LRMDA: variants seen among roughly 807,000 people sequenced by gnomAD.
LRMDA encodes the protein leucine rich melanocyte differentiation associated.
LRMDA carries 18 observed loss-of-function variants against 29.8 expected under a neutral mutation model. That is an observed-to-expected ratio of 0.60 (90% CI 0.42 to 0.90). The LOEUF is 0.90. Among genes scored for constraint, LRMDA ranks in the 40% least tolerant of loss-of-function variants. LRMDA has a pLI of 0.00. For missense variants in LRMDA, 273 were observed against 273.9 expected, an observed-to-expected ratio of 1.00 and a Z score of 0.02; for synonymous variants, 125 against 109.4, an observed-to-expected ratio of 1.14 and a Z score of -0.89.
At chr10:75,851,496 G>C (rs1454841650) in intron 2 of LRMDA, among the ~76,000 whole-genome samples, 1 of 151,934 alleles carries the variant, frequency 6.6e-6, no homozygotes, top group Non-Finnish European at 1.5e-5. Flanking sequence ...AAATTTTCTG[G>C]CTTCAGCCAG....
At chr10:75,438,571 A>C (rs2132022102) in intron 2 of LRMDA, 77 bp downstream of exon 2, 1 of 1,130,162 alleles carries the variant, frequency 8.8e-7, no homozygotes. Context: ...AAGCAGATAA[A>C]AGTCAAATGT....
intron 5 of LRMDA, among the ~76,000 whole-genome samples, chr10:76,254,305 C>CTATACTATACTATACTATACT (rs1564701441): frequency 7.2e-4 from 48 of 66,868 alleles, no homozygotes; most frequent in African/African-American, 2.1e-3. Context: ...TATACTATAC[C>CTATACTATACTATACTATACT]ATACCATACC....
At chr10:75,658,271 T>G (rs1841704660) in intron 2 of LRMDA, among the ~76,000 whole-genome samples, 1 of 140,880 alleles carries the variant, frequency 7.1e-6, no homozygotes, top group Non-Finnish European at 1.5e-5. Context: ...ACTCTAGAGT[T>G]GCTTACCAGA....
chr10:75,568,518 CAAGAGAACACTGTGGTAAG>C (rs1350458788), intron 2 of LRMDA, among the ~76,000 whole-genome samples: 1 of 152,124 alleles, frequency 6.6e-6, no homozygotes, highest in Non-Finnish European at 1.5e-5. Context: ...TATATAAAAA[CAAGAGAACACTGTGGTAAG>C]AAGGAATGCT....
intron 6 of LRMDA, among the ~76,000 whole-genome samples, chr10:76,359,723 A>G (rs1589150351): frequency 1.3e-5 from 2 of 152,352 alleles, no homozygotes; most frequent in African/African-American, 4.8e-5. Context: ...CTAATAGTCA[A>G]AGGACACATG....
chr10:76,444,943 A>T (rs549155156), intron 6 of LRMDA, among the ~76,000 whole-genome samples: 114 of 152,274 alleles, frequency 7.5e-4, no homozygotes, highest in South Asian at 2.3e-3. Context: ...GTGTACATAT[A>T]TATGTATATT....
At chr10:75,802,773 T>G (rs376070032) in intron 2 of LRMDA, among the ~76,000 whole-genome samples, 1 of 152,118 alleles carries the variant, frequency 6.6e-6, no homozygotes, top group Non-Finnish European at 1.5e-5. Flanking sequence ...CTCTTCCAAT[T>G]TAATGTCTTA....
chr10:76,303,714 C>T (rs929507468), intron 5 of LRMDA, among the ~76,000 whole-genome samples: 3 of 142,168 alleles, frequency 2.1e-5, no homozygotes, highest in Non-Finnish European at 3.1e-5. Flanking sequence ...GATTGCCACT[C>T]TTTTTTTTTT....
intron 2 of LRMDA, among the ~76,000 whole-genome samples, chr10:75,550,834 G>A (rs1445222498): frequency 6.6e-6 from 1 of 151,860 alleles, no homozygotes; most frequent in African/African-American, 2.4e-5. Context: ...AAATGTTCTA[G>A]TGATTGCTTT....
intron 5 of LRMDA, among the ~76,000 whole-genome samples, chr10:76,259,730 T>A (rs2132307111): frequency 6.6e-6 from 1 of 152,052 alleles, no homozygotes; most frequent in African/African-American, 2.4e-5. Context: ...ATTTGTTACA[T>A]ATATATATAT....
At position 76,224,370 on chromosome 10, in the gene LRMDA, G is replaced by A. The variant is rs567749234; in HGVS notation, c.517-100031G>A. ...GCAGATTGCTTGAGCCCAGGAGTTC[G>A]AGACCAGCCTGGAGGAAATGGAGAA... On this transcript the variant is annotated intron_variant, in intron 5 of 6. Transcript: ENST00000611255. Among the ~76,000 whole-genome samples the A allele has an allele frequency of 2.6e-5, 4 of 151,716 alleles. No individual in the cohort carries two copies. The East Asian group carries it at 7.8e-4, about 30-fold the overall frequency.
intron 2 of LRMDA, among the ~76,000 whole-genome samples, chr10:75,988,411 C>G (rs1847299900): frequency 6.6e-6 from 1 of 152,082 alleles, no homozygotes. Flanking sequence ...ATTCTACATT[C>G]AGCATGGGGC....
chr10:76,192,630 C>G (rs568864357), intron 5 of LRMDA, among the ~76,000 whole-genome samples: 4 of 152,136 alleles, frequency 2.6e-5, no homozygotes, highest in Non-Finnish European at 4.4e-5. Flanking sequence ...GTTAAAATTT[C>G]ATTGGCTGGA....
chr10:76,255,649 A>G (rs183807516), intron 5 of LRMDA, among the ~76,000 whole-genome samples: 130 of 152,352 alleles, frequency 8.5e-4, no homozygotes, highest in South Asian at 2.1e-3. Flanking sequence ...CACATGGCCC[A>G]GTGGATGGGA....
intron 6 of LRMDA, among the ~76,000 whole-genome samples, chr10:76,336,680 C>G (rs1840973064): frequency 6.6e-6 from 1 of 151,936 alleles, no homozygotes; most frequent in Non-Finnish European, 1.5e-5. Flanking sequence ...CCACCCTCCC[C>G]CAAAGGAAAA....
intron 2 of LRMDA, among the ~76,000 whole-genome samples, chr10:75,966,868 A>G: frequency 6.6e-6 from 1 of 152,242 alleles, no homozygotes; most frequent in South Asian, 2.1e-4. Context: ...TATGAGATCA[A>G]ACAAGATAGG....
intron 6 of LRMDA, among the ~76,000 whole-genome samples, chr10:76,383,478 C>T (rs1332344276): frequency 2.9e-5 from 4 of 136,670 alleles, no homozygotes; most frequent in African/African-American, 5.6e-5. Flanking sequence ...GGCCGGACTG[C>T]GGACTGCAGT....
chr10:75,623,779 G>A lies in LRMDA; in HGVS notation c.131+185285G>A, dbSNP rs542983481. On this transcript the variant is annotated intron_variant, in intron 2 of 6. Transcript: ENST00000611255. ...CAAATTTGTAAGAGAGGGAAGCTTA[G>A]TGTTCATCTTTATCAGCCAAAGTGG... Among the ~76,000 whole-genome samples, 3 of 152,360 alleles carry A rather than the reference G, an allele frequency of 2.0e-5. No homozygotes were observed. The East Asian group carries it at 5.8e-4, about 29-fold the overall frequency.
chr10:75,562,279 TA>T (rs1211126028), intron 2 of LRMDA, among the ~76,000 whole-genome samples: 2 of 152,140 alleles, frequency 1.3e-5, no homozygotes, highest in Non-Finnish European at 2.9e-5. Context: ...CCTTTACCAT[TA>T]TGTAATGGCC....
Sources: gnomAD v4.1 joint callset for allele counts (sites outside exome capture counted in the v4.1 genomes callset) on GRCh38, gnomAD v4.1.1 for gene constraint, MANE v1.5 for transcripts, NCBI Gene and HGNC (gene_info 2026-07-23, HGNC 2026-07-21) for gene names.